Variants in DMD observed in about 807,000 individuals in gnomAD.
The protein encoded by DMD is dystrophin.
A neutral mutation model predicts 330.1 loss-of-function variants in DMD; 63 were observed. The ratio of observed to expected loss-of-function variants is 0.19; its 90% CI spans 0.16 to 0.24. DMD has a LOEUF of 0.24. Ranked by LOEUF, DMD falls within the 10% of genes least tolerant of loss-of-function variation. DMD has a pLI of 1.00. For synonymous variants in DMD, 1,223 were observed against 959.8 expected (o/e 1.27, Z -5.07); for missense variants, 3,344 against 2,684.1 (o/e 1.25, Z -5.43).
chrX:31,776,910 G>A (rs750332494), intron 50 of DMD, among the ~76,000 whole-genome samples: 1 of 111,840 alleles, frequency 8.9e-6, no homozygotes, highest in South Asian at 3.8e-4. Context: ...CTATAGACCC[G>A]TCAGGCCAGT....
chrX:33,282,186 G>A (rs2053344243), intron 1 of DMD, among the ~76,000 whole-genome samples: 2 of 111,220 alleles, frequency 1.8e-5, no homozygotes, highest in South Asian at 7.7e-4. Context: ...TCTGAACCAG[G>A]TCACTTATTA....
chrX:32,999,624 A>G (rs764294354), intron 2 of DMD, among the ~76,000 whole-genome samples: 1 of 110,525 alleles, frequency 9.0e-6, no homozygotes, highest in East Asian at 2.9e-4. Flanking sequence ...AAAAATACAA[A>G]AATTAGCCGG....
chrX:32,347,385 CT>C (rs916895764), intron 38 of DMD, among the ~76,000 whole-genome samples: 80 of 111,288 alleles, frequency 7.2e-4, no homozygotes, highest in Non-Finnish European at 1.3e-3. Context: ...GTAATCAGTA[CT>C]TTTTTTCATC....
At chrX:32,942,811 A>G (rs190452890) in intron 2 of DMD, among the ~76,000 whole-genome samples, 25 of 112,021 alleles carry the variant, frequency 2.2e-4, no homozygotes, top group Non-Finnish European at 4.1e-4. Flanking sequence ...ACTCAACATA[A>G]AATTAAAAGT....
rs749404510 is a variant in DMD, at chrX:31,869,960, G to A, written c.7098+5228C>T. On this transcript the variant is annotated intron_variant, in intron 48 of 78. Coordinates refer to ENST00000357033, the MANE Select transcript of DMD (RefSeq NM_004006.3). ...CAGTCTGCTTCAACCATTAATCTTC[G>A]TCTTCCTTCTAACTTTCATGGAAAT... Among the ~76,000 whole-genome samples, 15 of 111,076 alleles carry A rather than the reference G, an allele frequency of 1.4e-4. No individual in the cohort carries two copies. In the East Asian group the frequency reaches 1.4e-3, roughly 11 times the overall value.
chrX:32,686,578 A>AGAAAAG (rs1556919372), intron 9 of DMD, among the ~76,000 whole-genome samples: 1 of 105,640 alleles, frequency 9.5e-6, no homozygotes, highest in Non-Finnish European at 1.9e-5. Context: ...AAAAAAAAAA[A>AGAAAAG]AAAAGAAAAG....
At chrX:31,618,833 T>A (rs1231046491) in intron 55 of DMD, among the ~76,000 whole-genome samples, 1 of 111,454 alleles carries the variant, frequency 9.0e-6, no homozygotes, top group Non-Finnish European at 1.9e-5. Flanking sequence ...GCTTAACCCA[T>A]AATTATAAAG....
intron 30 of DMD, among the ~76,000 whole-genome samples, chrX:32,395,665 T>G (rs1424163937): frequency 9.0e-6 from 1 of 111,626 alleles, no homozygotes; most frequent in Non-Finnish European, 1.9e-5. Context: ...TTTAGGAAAT[T>G]TACATGATTT....
intron 30 of DMD, among the ~76,000 whole-genome samples, chrX:32,409,969 T>A (rs892956420): frequency 9.0e-6 from 1 of 111,720 alleles, no homozygotes; most frequent in Admixed American, 9.6e-5. Flanking sequence ...ACATAAATGT[T>A]GTATCCATAA....
intron 7 of DMD, among the ~76,000 whole-genome samples, chrX:32,769,382 G>A (rs914956252): frequency 1.6e-4 from 18 of 110,951 alleles, no homozygotes; most frequent in African/African-American, 2.3e-4. Flanking sequence ...GGAAAGACCT[G>A]CCCCCATGAT....
At chrX:32,600,640 A>G in intron 12 of DMD, among the ~76,000 whole-genome samples, 1 of 108,314 alleles carries the variant, frequency 9.2e-6, no homozygotes, top group African/African-American at 3.4e-5. Flanking sequence ...CACCCCTAGA[A>G]ACAACACAGA....
chrX:31,967,595 C>A (rs778507409), intron 45 of DMD, among the ~76,000 whole-genome samples: 10 of 110,783 alleles, frequency 9.0e-5, no homozygotes, highest in Non-Finnish European at 1.7e-4. Context: ...GGCAAAAGAA[C>A]GAAGTTTTCA....
At chrX:31,657,924 G>T in intron 54 of DMD, 66 bp downstream of exon 54, 1 of 1,106,988 alleles carries the variant, frequency 9.0e-7, no homozygotes, top group Non-Finnish European at 1.2e-6. Context: ...AATCCTCATG[G>T]TCCATCCAGT....
intron 60 of DMD, among the ~76,000 whole-genome samples, chrX:31,380,956 C>T (rs1466083326): frequency 9.0e-6 from 1 of 111,219 alleles, no homozygotes; most frequent in African/African-American, 3.3e-5. Flanking sequence ...TAAAAACACA[C>T]GTGCTCTCCC....
intron 1 of DMD, among the ~76,000 whole-genome samples, chrX:33,031,064 C>G (rs2094101861): frequency 9.0e-6 from 1 of 110,990 alleles, no homozygotes; most frequent in Non-Finnish European, 1.9e-5. Flanking sequence ...TGCCTCATCC[C>G]TTATTTCACC....
intron 44 of DMD, among the ~76,000 whole-genome samples, chrX:32,155,986 A>ACACACACT (rs2096828424): frequency 1.1e-5 from 1 of 87,980 alleles, no homozygotes; most frequent in African/African-American, 3.7e-5. Flanking sequence ...ACACACACAC[A>ACACACACT]CACACACACA....
intron 13 of DMD, among the ~76,000 whole-genome samples, chrX:32,593,802 A>C (rs2055207501): frequency 8.9e-6 from 1 of 112,533 alleles, no homozygotes; most frequent in Admixed American, 9.4e-5. Context: ...TTAGTTTATA[A>C]AAATATTTCT....
At chrX:32,144,536 A>T (rs2147097287) in intron 44 of DMD, among the ~76,000 whole-genome samples, 1 of 111,777 alleles carries the variant, frequency 8.9e-6, no homozygotes, top group African/African-American at 3.2e-5. Context: ...ATACAACTTT[A>T]AAAAGTTGGG....
intron 47 of DMD, among the ~76,000 whole-genome samples, chrX:31,910,334 C>T (rs2094531916): frequency 8.9e-6 from 1 of 112,140 alleles, no homozygotes; most frequent in African/African-American, 3.2e-5. Context: ...TTCTAGACTG[C>T]TGTTTGGCAC....
Sources: allele counts gnomAD v4.1 joint callset (sites outside exome capture counted in the v4.1 genomes callset), GRCh38; gene constraint gnomAD v4.1.1; transcripts MANE v1.5; gene names NCBI Gene and HGNC (gene_info 2026-07-23, HGNC 2026-07-21).